DPYD: variants seen among roughly 807,000 people sequenced by gnomAD.
DPYD encodes dihydropyrimidine dehydrogenase, also known as dihydropyrimidine dehydrogenase [NADP(+)].
A neutral mutation model predicts 116.2 loss-of-function variants in DPYD; 109 were observed. The ratio of observed to expected loss-of-function variants is 0.94; its 90% confidence interval spans 0.80 to 1.10. The LOEUF is 1.10. DPYD is among the 50% of genes least tolerant of loss of function. The pLI is 0.00. For synonymous variants in DPYD, 440 were observed against 432.0 expected (o/e 1.02, Z -0.23); for missense variants, 1,302 against 1,254.5 (o/e 1.04, Z -0.57).
Position 97,098,560 on chromosome 1 carries a change from C to A in DPYD, c.2695G>T (p.Glu899Ter), listed in dbSNP as rs1484757629. ...IIAENKIRLK[E>*]QNVAFSPLKR... ...AGTGGTGAAAAAGCTACATTTTGTT[C>A]TTTCAGTCTAATCTTGTTTTCTGCT... The change falls in exon 21 of 23, where the codon GAA becomes TAA. Residue 899 changes from glutamate to a stop codon, truncating the protein, a stop_gained. Transcript: ENST00000370192. LOFTEE classifies it high-confidence loss of function. 1 of 1,613,030 alleles carries A rather than the reference C, an allele frequency of 6.2e-7. No homozygotes were observed. The highest frequency in any genetic ancestry group is 8.5e-7 in the Non-Finnish European group (1 of 1,179,508).
At chr1:97,861,164 T>G (rs1247391164) in intron 2 of DPYD, among the ~76,000 whole-genome samples, 2 of 152,018 alleles carry the variant, frequency 1.3e-5, no homozygotes, top group African/African-American at 2.4e-5. Flanking sequence ...GGGAAAATGA[T>G]AACTATTTTG....
chr1:97,661,187 T>C (rs1422148190), intron 8 of DPYD, among the ~76,000 whole-genome samples: 1 of 152,196 alleles, frequency 6.6e-6, no homozygotes, highest in East Asian at 1.9e-4. Flanking sequence ...ACATATAGCA[T>C]ATATGTAGGT....
chr1:97,319,895 G>A (rs1486056738), intron 16 of DPYD, among the ~76,000 whole-genome samples: 2 of 105,520 alleles, frequency 1.9e-5, no homozygotes, highest in Non-Finnish European at 4.1e-5. Context: ...TGATCAAGTG[G>A]GCTTCATCCC....
intron 20 of DPYD, among the ~76,000 whole-genome samples, chr1:97,120,147 G>A (rs770424211): frequency 6.6e-6 from 1 of 152,048 alleles, no homozygotes; most frequent in Non-Finnish European, 1.5e-5. Flanking sequence ...CTTTGTCTGG[G>A]GATTTTGTTA....
In DPYD at chr1:97,249,160, T is replaced by C. The variant is rs183041332; in HGVS notation, c.2300-14166A>G. 1.8e-3 allele frequency among the ~76,000 whole-genome samples: 278 copies of C among 152,050 alleles called. 2 individuals carry two copies. The highest frequency in any genetic ancestry group is 4.9e-4 in the Non-Finnish European group (33 of 68,002). On this transcript the variant is annotated intron_variant, in intron 18 of 22. Transcript: ENST00000370192. ...TAGCAAAAACAATCAGGAAAGAAAA[T>C]AACTCAAGGACACGATTTCATTTTA...
At chr1:97,767,237 T>C (rs983345831) in intron 3 of DPYD, among the ~76,000 whole-genome samples, 4 of 152,166 alleles carry the variant, frequency 2.6e-5, no homozygotes, top group African/African-American at 9.6e-5. Context: ...GCATATTTTT[T>C]CCTTTAGGAG....
At chr1:97,097,906 C>G (rs1650382742) in intron 21 of DPYD, among the ~76,000 whole-genome samples, 1 of 152,022 alleles carries the variant, frequency 6.6e-6, no homozygotes, top group East Asian at 1.9e-4. Context: ...TTTCTTACAA[C>G]TACATGTGAA....
rs1667087892 is a variant in DPYD, at chr1:97,305,265, C to T, written c.2293G>A (p.Val765Met). The T allele has an allele frequency of 2.5e-6, 4 of 1,612,174 alleles. No homozygotes were observed. The African/African-American group carries it at 5.3e-5, about 22-fold the overall frequency. ...GIAKRTTYGG[V>M]SGTAIRPIAL... is the part of the protein sequence containing the mutation. ...AGAAGTGGGCAACACCTACCAGACA[C>T]TCCTCCATATGTAGTTCGCTTTGCA... The change falls in exon 18 of 23, where the codon GTG (valine) becomes ATG (methionine). Residue 765 changes from valine to methionine, a missense_variant. Val to Met is a conservative substitution (Grantham distance 21, BLOSUM62 1). Coordinates refer to ENST00000370192, the MANE Select transcript of DPYD (RefSeq NM_000110.4).
At chr1:97,654,355 C>T (rs992320050) in intron 8 of DPYD, among the ~76,000 whole-genome samples, 1 of 152,004 alleles carries the variant, frequency 6.6e-6, no homozygotes, top group Non-Finnish European at 1.5e-5. Context: ...TTTCCTATCA[C>T]TAAATTCTTT....
chr1:97,706,074 T>C (rs1040328854), intron 5 of DPYD, among the ~76,000 whole-genome samples: 2 of 151,976 alleles, frequency 1.3e-5, no homozygotes, highest in Admixed American at 1.3e-4. Flanking sequence ...AAGAAATGTA[T>C]AACTGAAAAA....
At chr1:97,110,760 T>A (rs1050081414) in intron 20 of DPYD, among the ~76,000 whole-genome samples, 1 of 152,144 alleles carries the variant, frequency 6.6e-6, no homozygotes, top group East Asian at 1.9e-4. Flanking sequence ...GCTTCCATAA[T>A]GAAGCTAACA....
At chr1:97,561,591 C>A (rs1191831932) in intron 11 of DPYD, among the ~76,000 whole-genome samples, 1 of 152,144 alleles carries the variant, frequency 6.6e-6, no homozygotes, top group Non-Finnish European at 1.5e-5. Flanking sequence ...TACATGGTCC[C>A]TATATGTGTG....
intron 3 of DPYD, among the ~76,000 whole-genome samples, chr1:97,819,718 T>C (rs910940747): frequency 6.6e-6 from 1 of 152,170 alleles, no homozygotes; most frequent in African/African-American, 2.4e-5. Context: ...TAGCATGCCT[T>C]GTCCTTCCAC....
chr1:97,318,191 G>C (rs1417187815), intron 16 of DPYD, among the ~76,000 whole-genome samples: 2 of 144,278 alleles, frequency 1.4e-5, no homozygotes, highest in Admixed American at 7.2e-5. Flanking sequence ...AAAATCACCA[G>C]CTAACATCAT....
chr1:97,158,923 G>A (rs762509144), intron 20 of DPYD, among the ~76,000 whole-genome samples: 1 of 152,120 alleles, frequency 6.6e-6, no homozygotes, highest in Non-Finnish European at 1.5e-5. Context: ...TTTGGGGTTT[G>A]CATTAAGATA....
At chr1:97,895,103 CA>C (rs1224990625) in intron 1 of DPYD, among the ~76,000 whole-genome samples, 7 of 151,640 alleles carry the variant, frequency 4.6e-5, no homozygotes, top group Non-Finnish European at 1.0e-4. Flanking sequence ...TCATTCAAAA[CA>C]AATTAGTCAA....
Position 97,239,599 on chromosome 1 carries a change from T to A in DPYD, c.2300-4605A>T, listed in dbSNP as rs1028132558. Among the ~76,000 whole-genome samples the A allele has an allele frequency of 2.6e-5, 4 of 152,198 alleles. No individual in the cohort carries two copies. The South Asian group carries it at 8.3e-4, about 31-fold the overall frequency. ...AATTTGAATCCAGTTATTCATTCTC[T>A]ACCAGTATTCCATTAGAAACAATTC... On this transcript the variant is annotated intron_variant, in intron 18 of 22. Coordinates refer to ENST00000370192, the MANE Select transcript of DPYD (RefSeq NM_000110.4).
intron 16 of DPYD, among the ~76,000 whole-genome samples, chr1:97,340,941 A>G (rs946080246): frequency 1.3e-5 from 2 of 152,204 alleles, no homozygotes; most frequent in Non-Finnish European, 2.9e-5. Context: ...TGTTTTATAC[A>G]TTGGGTTCTT....
chr1:97,813,915 GACACACACAC>G (rs59229553), intron 3 of DPYD, among the ~76,000 whole-genome samples: 159 of 144,728 alleles, frequency 1.1e-3, no homozygotes, highest in Non-Finnish European at 1.7e-3. Context: ...GAAACACACA[GACACACACAC>G]ACACACACAC....
Sources: allele counts gnomAD v4.1 joint callset (sites outside exome capture counted in the v4.1 genomes callset), GRCh38; gene constraint gnomAD v4.1.1; transcripts MANE v1.5; gene names NCBI Gene and HGNC (gene_info 2026-07-23, HGNC 2026-07-21).